NHSL1: variants seen among roughly 807,000 people sequenced by gnomAD.
The protein encoded by NHSL1 is NHS like 1, also known as NHS-like protein 1.
In NHSL1, 48 loss-of-function variants were observed where a neutral mutation model predicts 95.0. The ratio of observed to expected loss-of-function variants is 0.51; its 90% CI spans 0.40 to 0.64. NHSL1 has a LOEUF of 0.64. NHSL1 is among the 30% of genes least tolerant of loss of function. The pLI is 0.00. For missense variants in NHSL1, 1,971 were observed against 2,077.7 expected (o/e 0.95, Z 1.00); for synonymous variants, 783 against 833.9 (o/e 0.94, Z 1.05).
At chr6:138,643,568 T>C (rs1477428666) in intron 1 of NHSL1, among the ~76,000 whole-genome samples, 3 of 152,244 alleles carry the variant, frequency 2.0e-5, no homozygotes, top group Non-Finnish European at 1.5e-5. Flanking sequence ...ATACTATATG[T>C]GTTGCATAAG....
chr6:138,443,028 T>C (rs1162894065), intron 4 of NHSL1, among the ~76,000 whole-genome samples: 1 of 150,546 alleles, frequency 6.6e-6, no homozygotes, highest in East Asian at 2.0e-4. Flanking sequence ...TATACATATA[T>C]ATATACACAT....
At chr6:138,512,342 T>G (rs991114449) in intron 1 of NHSL1, 4 of 455,134 alleles carry the variant, frequency 8.8e-6, no homozygotes, top group African/African-American at 8.0e-5. Flanking sequence ...ACATTCATTA[T>G]CAAAATAAAT....
At chr6:138,662,594 C>T (rs1349139104) in intron 1 of NHSL1, among the ~76,000 whole-genome samples, 1 of 152,178 alleles carries the variant, frequency 6.6e-6, no homozygotes, top group Non-Finnish European at 1.5e-5. Flanking sequence ...TGACTTGCCT[C>T]CTCCTGTGTT....
In NHSL1 at chr6:138,659,721, G is replaced by GTTT. The variant is rs35077038; in HGVS notation, c.96+32752_96+32754dup. Among the ~76,000 whole-genome samples the GTTT allele has an allele frequency of 6.6e-3, 847 of 128,660 alleles. 8 individuals carry two copies. Among genetic ancestry groups the GTTT allele is most frequent in the African/African-American group, 0.025 (812 of 31,872 alleles). 84.4% of individuals were successfully genotyped at this position (128,660 alleles called of 152,430 possible). On this transcript the variant is annotated intron_variant, in intron 1 of 3. Transcript: ENST00000491526. ...ATTTTTCCTACCACGTTTTTTTTTT[G>GTTT]TTTTTTTTTTTTTGAGATGGAGTCT...
chr6:138,443,167 T>C (rs1776641433), intron 4 of NHSL1, among the ~76,000 whole-genome samples: 1 of 152,228 alleles, frequency 6.6e-6, no homozygotes, highest in Admixed American at 6.5e-5. Flanking sequence ...AATGTAGGTA[T>C]ATTGTGGACA....
chr6:138,453,254 G>A (rs1777358269), intron 3 of NHSL1, among the ~76,000 whole-genome samples: 2 of 152,096 alleles, frequency 1.3e-5, no homozygotes, highest in Non-Finnish European at 1.5e-5. Flanking sequence ...GATTACAAGC[G>A]TGAGCCACCA....
intron 1 of NHSL1, among the ~76,000 whole-genome samples, chr6:138,602,856 T>A (rs1159835949): frequency 6.6e-6 from 1 of 152,248 alleles, no homozygotes; most frequent in African/African-American, 2.4e-5. Context: ...CCTCATCAGA[T>A]GCATTAAGAA....
chr6:138,618,456 G>A (rs945249628), intron 1 of NHSL1, among the ~76,000 whole-genome samples: 5 of 152,198 alleles, frequency 3.3e-5, no homozygotes, highest in African/African-American at 1.2e-4. Context: ...AAAAGGGGAA[G>A]CACTTTTCAA....
Position 138,430,705 on chromosome 6 carries a change from C to A in NHSL1, c.3640G>T (p.Val1214Leu), listed in dbSNP as rs1775578431. 1.9e-6 allele frequency: 3 copies of A among 1,551,666 alleles called. No homozygotes were observed. The highest frequency in any genetic ancestry group is 3.9e-5 in the Admixed American group (2 of 50,992). Reference sequence around the variant, plus strand: ...TCGCTCACGTTCTCTGCGGGCTCCACTGCAAAATCTTTCTGCGGAGGTGGT... The same window carrying A: ...TCGCTCACGTTCTCTGCGGGCTCCAATGCAAAATCTTTCTGCGGAGGTGGT... ...VVPPPQKDFA[V>L]EPAENVSEAL... The change falls in exon 6 of 8, where the codon GTG becomes TTG. Residue 1214 changes from valine to leucine, a missense_variant. Val to Leu is a conservative substitution (Grantham distance 32). Transcript: ENST00000343505. This position sits in a 1 kb window ranked among gnomAD's most constrained non-coding sequence, Gnocchi z 4.7.
In NHSL1 at chr6:138,464,058, T is replaced by C. The variant is rs946073577; in HGVS notation, c.339+9248A>G. The stretch of plus-strand genomic sequence containing the variant: ...ACTGAATAAATATTTACTCAGTAAA[T>C]GAATGAGGGGGTGAGCAAGATGGTG... On this transcript the variant is annotated intron_variant, in intron 3 of 7. Transcript: ENST00000343505. The C allele has an allele frequency of 1.2e-5, 5 of 417,588 alleles. No homozygotes were observed. The Admixed American group carries it at 1.3e-4, about 10-fold the overall frequency. The allele number at this position is 417,588 out of a possible 1,614,324, so 25.9% of individuals were successfully genotyped here.
rs760369055 is a variant in NHSL1, at chr6:138,522,809, GA to G, written c.16+22813del. Among the ~76,000 whole-genome samples, 956 of 146,688 alleles carry G rather than the reference GA, an allele frequency of 6.5e-3. 22 individuals carry two copies. The highest frequency in any genetic ancestry group is 0.049 in the Admixed American group (727 of 14,780). ...CTGCTGACAGAGCAAGATCCTGTCT[GA>G]AAAAAAAAAAGTTTACTTTCTCTTT... On this transcript the variant is annotated intron_variant, in intron 1 of 4. Transcript: ENST00000342260.
intron 1 of NHSL1, among the ~76,000 whole-genome samples, chr6:138,514,343 AAAAC>A: frequency 1.3e-5 from 2 of 149,376 alleles, no homozygotes; most frequent in African/African-American, 2.5e-5. Flanking sequence ...ACAAACAAAC[AAAAC>A]AAACTTTATT....
chr6:138,692,753 G>A (rs1156732400), upstream of NHSL1: 3 of 151,488 alleles, frequency 2.0e-5, no homozygotes, highest in East Asian at 5.8e-4. This position sits in a 1 kb window ranked among gnomAD's most constrained non-coding sequence, Gnocchi z 4.0. Context: ...GGGTCCTCTG[G>A]TGGAAGGGCA....
intron 1 of NHSL1, among the ~76,000 whole-genome samples, chr6:138,683,142 G>A (rs1412636874): frequency 6.6e-6 from 1 of 152,164 alleles, no homozygotes; most frequent in Non-Finnish European, 1.5e-5. Context: ...CCCGGAAACA[G>A]GCCTGGCTTC....
At chr6:138,624,972 A>G (rs1189034058) in intron 1 of NHSL1, among the ~76,000 whole-genome samples, 2 of 152,192 alleles carry the variant, frequency 1.3e-5, no homozygotes, top group African/African-American at 4.8e-5. Context: ...TTTAGTTTAT[A>G]TATACAAAAT....
intron 1 of NHSL1, chr6:138,512,295 G>A (rs1020098468): frequency 4.4e-6 from 2 of 455,692 alleles, no homozygotes; most frequent in Non-Finnish European, 8.8e-6. Flanking sequence ...CACCCCACGG[G>A]AAAGAGGAAT....
At chr6:138,471,527 G>T (rs1241598168) in intron 3 of NHSL1, among the ~76,000 whole-genome samples, 1 of 152,058 alleles carries the variant, frequency 6.6e-6, no homozygotes, top group African/African-American at 2.4e-5. Context: ...TATTTTAAAG[G>T]CTCAAAGGAG....
rs3923777 is a variant in NHSL1, at chr6:138,455,565, G to A, written c.340-8372C>T. Among the ~76,000 whole-genome samples the A allele has an allele frequency of 4.8e-3, 613 of 127,020 alleles. 4 individuals carry two copies. The highest frequency in any genetic ancestry group is 0.018 in the African/African-American group (547 of 31,006). 83.3% of individuals were successfully genotyped at this position (127,020 alleles called of 152,430 possible). ...GCTCCCTGCAAGGAGCCCCGCCTTC[G>A]CATGCTTCCTGGTGCTTTCGAGCTA... On this transcript the variant is annotated intron_variant, in intron 3 of 7. Transcript: ENST00000343505.
intron 1 of NHSL1, among the ~76,000 whole-genome samples, chr6:138,538,834 C>T (rs1782467230): frequency 6.6e-6 from 1 of 152,184 alleles, no homozygotes; most frequent in Admixed American, 6.5e-5. Flanking sequence ...AAGTGTACTA[C>T]AACTTGTGGC....
Sources: gnomAD v4.1 joint callset for allele counts (sites outside exome capture counted in the v4.1 genomes callset) on GRCh38, gnomAD v4.1.1 for gene constraint, Gnocchi (gnomAD v3.1) non-coding constraint, MANE v1.5 for transcripts, NCBI Gene and HGNC (gene_info 2026-07-23, HGNC 2026-07-21) for gene names.